GPSM1: variants seen among roughly 807,000 people sequenced by gnomAD.
GPSM1 encodes G protein signaling modulator 1.
A neutral mutation model predicts 70.5 loss-of-function variants in GPSM1; 48 were observed. The observed-to-expected ratio is 0.68, with a 90% CI of 0.54 to 0.87. The LOEUF is 0.87. Ranked by LOEUF, GPSM1 falls within the 40% of genes least tolerant of loss-of-function variation. The pLI, the probability that GPSM1 is intolerant of heterozygous loss-of-function variation, is 0.00. For synonymous variants in GPSM1, 416 were observed against 430.1 expected, an observed-to-expected ratio of 0.97 and a Z score of 0.41; for missense variants, 981 against 972.6, an observed-to-expected ratio of 1.01 and a Z score of -0.11.
At position 136,336,844 on chromosome 9, in the gene GPSM1, G is replaced by C. The variant is rs537314796; in HGVS notation, c.427-77G>C. On this transcript the variant is annotated intron_variant, in intron 3 of 13. Coordinates refer to ENST00000440944, the MANE Select transcript of GPSM1 (RefSeq NM_001145638.3). ...TCGCTGTCGAGGGCTGGGACAGTGAGGACACCGGTGTGCCGGCTCTGCACA... is the reference window on the plus strand; with the variant it reads ...TCGCTGTCGAGGGCTGGGACAGTGACGACACCGGTGTGCCGGCTCTGCACA... 25 of 1,395,430 alleles carry C rather than the reference G, an allele frequency of 1.8e-5. No homozygotes were observed. In the South Asian group the frequency reaches 2.9e-4, roughly 16 times the overall value. The allele number at this position is 1,395,430 out of a possible 1,614,324, so 86.4% of individuals were successfully genotyped here.
intron 11 of GPSM1, among the ~76,000 whole-genome samples, chr9:136,350,076 C>T (rs1463475330): frequency 1.3e-5 from 2 of 152,238 alleles, no homozygotes; most frequent in African/African-American, 4.8e-5. Context: ...CCATCTTGTT[C>T]ACCAGTTGGG....
chr9:136,333,741 G>A (rs1286900401), intron 1 of GPSM1, among the ~76,000 whole-genome samples: 3 of 152,196 alleles, frequency 2.0e-5, no homozygotes, highest in Admixed American at 1.3e-4. Flanking sequence ...TGGGAACAGC[G>A]GGTTCTCAGG....
intron 8 of GPSM1, 56 bp downstream of exon 8, chr9:136,339,871 G>T (rs1252257775): frequency 1.8e-6 from 2 of 1,115,072 alleles, no homozygotes; most frequent in Non-Finnish European, 2.6e-6. Context: ...CTCCAGACGG[G>T]CCGGGTCCCC....
Position 136,336,918 on chromosome 9 carries a change from C to A in GPSM1, c.427-3C>A. On this transcript the variant is annotated splice_polypyrimidine_tract_variant and splice_region_variant and intron_variant, in intron 3 of 13. Coordinates refer to ENST00000440944, the MANE Select transcript of GPSM1 (RefSeq NM_001145638.3). ...TGCCCCCAACCCTCCGTACTGCCCA[C>A]AGGTTGGGGAGGCGAGGGCCCTCTA... 5.8e-6 allele frequency: 9 copies of A among 1,553,084 alleles called. No homozygotes were observed. Among genetic ancestry groups the A allele is most frequent in the Non-Finnish European group, 7.8e-6 (9 of 1,148,578 alleles).
At chr9:136,331,879 C>T (rs1233768074) in intron 1 of GPSM1, 4 of 396,670 alleles carry the variant, frequency 1.0e-5, no homozygotes, top group East Asian at 3.6e-5. Flanking sequence ...GGCAGTCCCC[C>T]GCCGAGCTTT....
intron 1 of GPSM1, among the ~76,000 whole-genome samples, chr9:136,331,354 A>G (rs1423628378): frequency 1.5e-5 from 2 of 133,568 alleles, no homozygotes; most frequent in Non-Finnish European, 3.2e-5. Flanking sequence ...TGGCATGGTG[A>G]GGACTCTGAG....
In GPSM1 at chr9:136,348,779, A is replaced by G; in HGVS notation, c.1278+12A>G. ...TCCCCCTGGAGCGGGTGAGCCAGGG[A>G]CACGGGACCGATGTCAGCACAGCCG... On this transcript the variant is annotated intron_variant, in intron 10 of 13. Transcript: ENST00000440944. 6.2e-7 allele frequency: 1 copy of G among 1,601,206 alleles called. No individual in the cohort carries two copies. The highest frequency in any genetic ancestry group is 8.5e-7 in the Non-Finnish European group (1 of 1,170,148).
chr9:136,332,915 A>G (rs1832136995), intron 1 of GPSM1, among the ~76,000 whole-genome samples: 1 of 150,028 alleles, frequency 6.7e-6, no homozygotes, highest in Admixed American at 6.6e-5. Context: ...AGGCTGAGGT[A>G]GGAGGATGGC....
Position 136,327,642 on chromosome 9 carries a change from G to C in GPSM1, c.-54G>C. Reference sequence around the variant, plus strand: ...GAGGACAGCAGGGCGGGCAGGGGGCGGACGGCCACGGCGCGGGGGGCGCTC... The same window carrying C: ...GAGGACAGCAGGGCGGGCAGGGGGCCGACGGCCACGGCGCGGGGGGCGCTC... On this transcript the variant is annotated 5_prime_UTR_variant, in exon 1 of 14. Coordinates refer to ENST00000440944, the MANE Select transcript of GPSM1 (RefSeq NM_001145638.3). The C allele has an allele frequency of 2.0e-6, 1 of 504,698 alleles. No individual in the cohort carries two copies. Among genetic ancestry groups the C allele is most frequent in the Non-Finnish European group, 2.7e-6 (1 of 376,258 alleles). 31.3% of individuals were successfully genotyped at this position (504,698 alleles called of 1,614,324 possible). A position where few individuals can be genotyped will look rare whatever the true frequency, so the allele number is the denominator to read the frequency against.
chr9:136,346,502 C>T (rs1176666831), intron 9 of GPSM1, among the ~76,000 whole-genome samples: 2 of 152,232 alleles, frequency 1.3e-5, no homozygotes, highest in Admixed American at 6.5e-5. Flanking sequence ...CACCAGGTGC[C>T]TTCTTAGCCG....
In GPSM1 at chr9:136,331,774, C is replaced by T. The variant is rs28570315; in HGVS notation, c.69-2673C>T. On this transcript the variant is annotated intron_variant, in intron 1 of 13. Transcript: ENST00000440944. ...GGGATTACCCCAGGGCTCCCCGCCCCGCTGCTGACGAGGCTGACCCAGCCT... is the reference window on the plus strand; with the variant it reads ...GGGATTACCCCAGGGCTCCCCGCCCTGCTGCTGACGAGGCTGACCCAGCCT... Among the ~76,000 whole-genome samples the T allele has an allele frequency of 5.0e-3, 757 of 152,296 alleles. 11 individuals carry two copies. The highest frequency in any genetic ancestry group is 0.044 in the East Asian group (227 of 5,174).
chr9:136,336,120 G>A lies in GPSM1; in HGVS notation c.426+19G>A, dbSNP rs781919706. On this transcript the variant is annotated intron_variant, in intron 3 of 13. Coordinates refer to ENST00000440944, the MANE Select transcript of GPSM1 (RefSeq NM_001145638.3). ...AGACAAGGTGGGGGCTTGGTCCGGGGCTGGGTGTCTCCCACCCCTGCACCG... is the reference window on the plus strand; with the variant it reads ...AGACAAGGTGGGGGCTTGGTCCGGGACTGGGTGTCTCCCACCCCTGCACCG... 10 of 1,606,888 alleles carry A rather than the reference G, an allele frequency of 6.2e-6. No homozygotes were observed. In the South Asian group the frequency reaches 6.6e-5, roughly 11 times the overall value.
In GPSM1 at chr9:136,356,459, G is replaced by C. The variant is rs782295639; in HGVS notation, c.1730G>C (p.Arg577Pro). Residue 577 changes from arginine to proline, a missense_variant, in exon 13 of 14, where the codon CGA (arginine) becomes CCA (proline). Physicochemically the swap from Arg to Pro is moderately radical, Grantham distance 103 (BLOSUM62 -2). Coordinates refer to ENST00000440944, the MANE Select transcript of GPSM1 (RefSeq NM_001145638.3). The part of the protein sequence containing the change: ...RASVGSLPGL[R>P]ITHSNAGHLR... ...AGCGTGGGCAGCCTGCCGGGGCTGCGAATCACCCACAGCAATGCAGGGCAC... is the reference window on the plus strand; with the variant it reads ...AGCGTGGGCAGCCTGCCGGGGCTGCCAATCACCCACAGCAATGCAGGGCAC... The C allele has an allele frequency of 1.2e-6, 2 of 1,611,446 alleles. No homozygotes were observed. The highest frequency in any genetic ancestry group is 1.3e-5 in the African/African-American group (1 of 74,818).
chr9:136,356,982 G>A (rs1424571397), intron 13 of GPSM1, among the ~76,000 whole-genome samples: 1 of 152,186 alleles, frequency 6.6e-6, no homozygotes, highest in Non-Finnish European at 1.5e-5. Context: ...TGGCTGGTGG[G>A]ACAAAAACAG....
rs73670229 is a variant in GPSM1 at position 136,351,752 on chromosome 9, A to G, written c.1455+1989A>G. Among the ~76,000 whole-genome samples, 681 of 152,332 alleles carry G rather than the reference A, an allele frequency of 4.5e-3. 2 individuals are homozygous for G. Among genetic ancestry groups the G allele is most frequent in the African/African-American group, 0.015 (636 of 41,572 alleles). ...GCGGGGCAGGACGCCTGGGACAGCC[A>G]AGATCCTGGCCCCAGACAAACGGGG... On this transcript the variant is annotated intron_variant, in intron 11 of 13. Transcript: ENST00000440944.
rs1832348745 is a variant in GPSM1, at chr9:136,340,039, C to T, written c.1083+224C>T. Among the ~76,000 whole-genome samples the T allele has an allele frequency of 6.6e-6, 1 of 152,248 alleles. No individual in the cohort carries two copies. Among genetic ancestry groups the T allele is most frequent in the Non-Finnish European group, 1.5e-5 (1 of 68,036 alleles). ...GGTGCCTTCCTGGGCAGCTGCGTCT[C>T]CTCCTCCTTGGAGAGTTTGCACAGG... On this transcript the variant is annotated intron_variant, in intron 8 of 13. Coordinates refer to ENST00000440944, the MANE Select transcript of GPSM1 (RefSeq NM_001145638.3). This position sits in a 1 kb window ranked among gnomAD's most constrained non-coding sequence, Gnocchi z 7.3.
chr9:136,359,291 C>G lies in GPSM1; in HGVS notation c.*1071C>G, dbSNP rs374345299. On this transcript the variant is annotated 3_prime_UTR_variant, in exon 14 of 14. Coordinates refer to ENST00000440944, the MANE Select transcript of GPSM1 (RefSeq NM_001145638.3). ...CTCCCAAGACTGCCAAGGGCCCTAC[C>G]ATGGCCCCACAGCCCCCAGGGCTGG... The G allele has an allele frequency of 2.9e-4, 44 of 152,354 alleles. No individual in the cohort carries two copies. The highest frequency in any genetic ancestry group is 9.4e-4 in the African/African-American group (39 of 41,558). The allele number at this position is 152,354 out of a possible 1,614,324, so 9.4% of individuals were successfully genotyped here. A position where few individuals can be genotyped will look rare whatever the true frequency, so the allele number is the denominator to read the frequency against.
At chr9:136,354,150 C>A (rs1329668857) in intron 11 of GPSM1, among the ~76,000 whole-genome samples, 2 of 152,204 alleles carry the variant, frequency 1.3e-5, no homozygotes, top group Admixed American at 6.5e-5. Flanking sequence ...CTCCAGGGGC[C>A]AGAGCCAGGT....
chr9:136,355,742 C>G lies in GPSM1; in HGVS notation c.1508C>G (p.Thr503Ser), dbSNP rs80229117. The change falls in exon 12 of 14, where the codon ACC becomes AGC. Residue 503 changes from threonine (T) to serine (S), a missense_variant. Thr to Ser is a moderately conservative substitution (Grantham distance 58). Coordinates refer to ENST00000440944, the MANE Select transcript of GPSM1 (RefSeq NM_001145638.3). Reference protein sequence around the residue: ...SDEECFFDLLTKFQSSRMDDQ... With the variant: ...SDEECFFDLLSKFQSSRMDDQ... ...GAGGAGTGCTTCTTTGACCTGTTGA[C>G]CAAGTTCCAGAGCAGCCGCATGGAC... 1 of 1,612,408 alleles carries G rather than the reference C, an allele frequency of 6.2e-7. No homozygotes were observed. Among genetic ancestry groups the G allele is most frequent in the South Asian group, 1.1e-5 (1 of 91,078 alleles).
Sources: allele counts gnomAD v4.1 joint callset (sites outside exome capture counted in the v4.1 genomes callset), GRCh38; gene constraint gnomAD v4.1.1; non-coding constraint Gnocchi (gnomAD v3.1); transcripts MANE v1.5; gene names NCBI Gene and HGNC (gene_info 2026-07-23, HGNC 2026-07-21).